SDK1: variants seen among roughly 807,000 people sequenced by gnomAD.
SDK1 encodes the protein sidekick cell adhesion molecule 1, also known as protein sidekick-1.
In SDK1, 157 loss-of-function variants were observed where a neutral mutation model predicts 245.5. That is an observed-to-expected ratio of 0.64 (90% CI 0.56 to 0.73). The LOEUF (loss-of-function observed/expected upper bound fraction) is 0.73. Among genes scored for constraint, SDK1 ranks in the 30% least tolerant of loss-of-function variants. SDK1 has a pLI of 0.00. For synonymous variants in SDK1, 1,647 were observed against 1,278.5 expected (o/e 1.29, Z -6.15); for missense variants, 3,583 against 3,002.3 (o/e 1.19, Z -4.52).
intron 14 of SDK1, among the ~76,000 whole-genome samples, chr7:4,000,996 C>G (rs1785033803): frequency 6.6e-6 from 1 of 152,192 alleles, no homozygotes; most frequent in Non-Finnish European, 1.5e-5. Context: ...GCTTCCTGCC[C>G]TCACCAAGAC....
At chr7:3,323,002 A>G (rs1182164842) in intron 1 of SDK1, among the ~76,000 whole-genome samples, 5 of 151,946 alleles carry the variant, frequency 3.3e-5, no homozygotes, top group African/African-American at 1.2e-4. Context: ...TTGTTTTGCC[A>G]TGTTGCCGAG....
At chr7:3,367,520 C>T (rs910321883) in intron 1 of SDK1, among the ~76,000 whole-genome samples, 1 of 152,198 alleles carries the variant, frequency 6.6e-6, no homozygotes, top group Non-Finnish European at 1.5e-5. Context: ...CTATCCCATA[C>T]TTGTCATTTG....
chr7:3,837,394 A>T (rs573308113), intron 5 of SDK1, among the ~76,000 whole-genome samples: 39 of 152,332 alleles, frequency 2.6e-4, no homozygotes, highest in Admixed American at 5.2e-4. Flanking sequence ...CAGTTTAAAC[A>T]GTCTGTGCAT....
intron 5 of SDK1, among the ~76,000 whole-genome samples, chr7:3,912,992 CTT>C (rs1403058704): frequency 2.0e-5 from 3 of 152,254 alleles, no homozygotes; most frequent in African/African-American, 7.2e-5. Flanking sequence ...GGATCAGGCT[CTT>C]GTTTTTCTCT....
chr7:3,642,829 C>T (rs1782694140), intron 4 of SDK1: 1 of 152,222 alleles, frequency 6.6e-6, no homozygotes, highest in South Asian at 2.1e-4. Flanking sequence ...ATAAAGGTTT[C>T]AAGGCTGAAC....
At chr7:3,992,324 A>T (rs1009377977) in intron 14 of SDK1, among the ~76,000 whole-genome samples, 1 of 152,184 alleles carries the variant, frequency 6.6e-6, no homozygotes, top group African/African-American at 2.4e-5. Context: ...GGCCCTCTGC[A>T]GGCATGCCAG....
chr7:3,720,804 T>C (rs1257908242), intron 4 of SDK1, among the ~76,000 whole-genome samples: 2 of 152,248 alleles, frequency 1.3e-5, no homozygotes. Flanking sequence ...TGAGTGTTTC[T>C]AGCACCATTG....
intron 1 of SDK1, among the ~76,000 whole-genome samples, chr7:3,486,216 AT>A (rs1033591710): frequency 2.6e-5 from 4 of 151,978 alleles, no homozygotes; most frequent in African/African-American, 9.7e-5. Context: ...TTTAATGTTA[AT>A]TAAAATTATA....
At chr7:3,437,931 C>G (rs1013245871) in intron 1 of SDK1, among the ~76,000 whole-genome samples, 5 of 152,268 alleles carry the variant, frequency 3.3e-5, no homozygotes, top group African/African-American at 4.8e-5. Flanking sequence ...TGAGAATACT[C>G]CCCCTACGTT....
At chr7:3,444,027 C>T (rs147347331) in intron 1 of SDK1, among the ~76,000 whole-genome samples, 16 of 152,336 alleles carry the variant, frequency 1.1e-4, no homozygotes, top group South Asian at 2.1e-4. Context: ...TCAAGAGAGG[C>T]GGTTGTGCAG....
chr7:3,433,951 C>G lies in SDK1; in HGVS notation c.298+132067C>G, dbSNP rs547588135. On this transcript the variant is annotated intron_variant, in intron 1 of 44. Transcript: ENST00000404826. Reference sequence around the variant, plus strand: ...AATAAGTTTAACTTTTGTTAGGATACTTTGCGCATAACTACCGCAATGCAT... The same window carrying G: ...AATAAGTTTAACTTTTGTTAGGATAGTTTGCGCATAACTACCGCAATGCAT... Among the ~76,000 whole-genome samples, 5 of 152,222 alleles carry G rather than the reference C, an allele frequency of 3.3e-5. No individual in the cohort carries two copies. The South Asian group carries it at 8.3e-4, about 25-fold the overall frequency.
At chr7:4,187,466 C>T (rs561051345) in intron 35 of SDK1, among the ~76,000 whole-genome samples, 18 of 152,346 alleles carry the variant, frequency 1.2e-4, no homozygotes, top group African/African-American at 3.6e-4. Flanking sequence ...CACCCTGCAG[C>T]GGTGACCAGA....
chr7:3,462,593 C>T (rs1232238489), intron 1 of SDK1, among the ~76,000 whole-genome samples: 1 of 152,188 alleles, frequency 6.6e-6, no homozygotes, highest in African/African-American at 2.4e-5. Context: ...CCATCTCAAA[C>T]TCAACTCGAA....
At chr7:3,552,268 C>A (rs530373934) in intron 1 of SDK1, among the ~76,000 whole-genome samples, 2 of 152,086 alleles carry the variant, frequency 1.3e-5, no homozygotes, top group Non-Finnish European at 2.9e-5. Flanking sequence ...CGATCGATCT[C>A]CTGACCTTGT....
chr7:3,891,542 A>C (rs1275172024), intron 5 of SDK1, among the ~76,000 whole-genome samples: 1 of 151,984 alleles, frequency 6.6e-6, no homozygotes, highest in Non-Finnish European at 1.5e-5. Context: ...GTTTGTTTTT[A>C]ATCTCTTTGA....
intron 4 of SDK1, among the ~76,000 whole-genome samples, chr7:3,807,202 C>T (rs1407689847): frequency 6.6e-6 from 1 of 152,180 alleles, no homozygotes; most frequent in African/African-American, 2.4e-5. Flanking sequence ...GGGCTCATAG[C>T]TCTGCCTCTT....
intron 22 of SDK1, among the ~76,000 whole-genome samples, chr7:4,091,947 G>A (rs1465243410): frequency 2.0e-5 from 3 of 152,060 alleles, no homozygotes; most frequent in African/African-American, 4.8e-5. Context: ...CACATTCCAT[G>A]GATCATCTCT....
intron 4 of SDK1, among the ~76,000 whole-genome samples, chr7:3,755,102 C>T (rs1009314590): frequency 4.6e-5 from 7 of 152,160 alleles, no homozygotes; most frequent in East Asian, 1.9e-4. Flanking sequence ...TTGCTCTTGG[C>T]AGAGACTCAA....
At chr7:3,635,586 G>C (rs1782432943) in intron 2 of SDK1, among the ~76,000 whole-genome samples, 1 of 152,188 alleles carries the variant, frequency 6.6e-6, no homozygotes, top group South Asian at 2.1e-4. Flanking sequence ...CTTTGTAAAA[G>C]GAAATACTTT....
Sources: allele counts gnomAD v4.1 joint callset (sites outside exome capture counted in the v4.1 genomes callset), GRCh38; gene constraint gnomAD v4.1.1; transcripts MANE v1.5; gene names NCBI Gene and HGNC (gene_info 2026-07-23, HGNC 2026-07-21).